The following PHB1 variants were observed in gnomAD, a reference collection of about 807,000 sequenced individuals.
PHB1 encodes the protein prohibitin 1.
the PHB1 span, chr17:49,409,552 T>G: frequency 2.0e-5 from 19 of 939,434 alleles, 1 homozygote; most frequent in South Asian, 3.7e-4. Flanking sequence ...TGTTTTTTTT[T>G]TTTTTTGAGA....
the PHB1 span, among the ~76,000 whole-genome samples, chr17:49,407,954 T>C: frequency 4.6e-5 from 7 of 152,232 alleles, no homozygotes; most frequent in Non-Finnish European, 8.8e-5. Flanking sequence ...GGGCAGCAAA[T>C]TCCCCATGAA....
the PHB1 span, chr17:49,411,630 C>T: frequency 6.5e-7 from 1 of 1,534,880 alleles, no homozygotes; most frequent in Non-Finnish European, 9.0e-7. Flanking sequence ...AAGAACAGAG[C>T]ACCTCTTCCA....
At chr17:49,404,806 GA>G in the PHB1 span, 1 of 601,796 alleles carries the variant, frequency 1.7e-6, no homozygotes, top group Non-Finnish European at 3.0e-6. Context: ...GATGTGAGAA[GA>G]ATGAAAGAGT....
chr17:49,412,963 T>C, the PHB1 span: 2 of 502,884 alleles, frequency 4.0e-6, no homozygotes, highest in South Asian at 5.0e-5. Context: ...TGGGAAGCTC[T>C]TTTTGAATAC....
the PHB1 span, chr17:49,404,792 G>C: frequency 6.8e-6 from 4 of 591,586 alleles, no homozygotes; most frequent in South Asian, 8.0e-5. Context: ...TAAAAAAGTA[G>C]ATGGATGTGA....
the PHB1 span, among the ~76,000 whole-genome samples, chr17:49,413,539 T>C: frequency 8.6e-5 from 13 of 150,384 alleles, no homozygotes; most frequent in Non-Finnish European, 1.9e-4. Flanking sequence ...GACAGGGTCT[T>C]GCTCTGTCAC....
chr17:49,412,443 T>TAA, the PHB1 span, among the ~76,000 whole-genome samples: 1,857 of 152,348 alleles, frequency 0.012, 35 homozygotes, highest in African/African-American at 0.042. Context: ...CAGGCTTTTC[T>TAA]AATCAGCTGC....
At chr17:49,405,706 C>CCATGTGCTATGAT in the PHB1 span, among the ~76,000 whole-genome samples, 15 of 152,226 alleles carry the variant, frequency 9.9e-5, no homozygotes, top group African/African-American at 3.6e-4. Flanking sequence ...GCCCAGGAGG[C>CCATGTGCTATGAT]CAAGGCTGCA....
the PHB1 span, chr17:49,407,064 T>TAATAC: frequency 1.7e-6 from 1 of 578,444 alleles, no homozygotes; most frequent in Non-Finnish European, 3.1e-6. Flanking sequence ...TCCTGTATAT[T>TAATAC]ACTCTGTCAC....
the PHB1 span, chr17:49,413,433 C>A: frequency 3.4e-6 from 2 of 588,550 alleles, no homozygotes; most frequent in Non-Finnish European, 6.1e-6. Flanking sequence ...TGAAGGATAC[C>A]TAATAAATAA....
chr17:49,407,061 T>TTA, the PHB1 span: 1 of 584,410 alleles, frequency 1.7e-6, no homozygotes, highest in Non-Finnish European at 3.1e-6. Context: ...TGCTCCTGTA[T>TTA]ATTACTCTGT....
chr17:49,406,928 C>CTCTTCTTCCAGCG, the PHB1 span: 1 of 1,068,584 alleles, frequency 9.4e-7, no homozygotes, highest in Non-Finnish European at 1.4e-6. Flanking sequence ...GCTCCATGGC[C>CTCTTCTTCCAGCG]GCTGGAAGAA....
the PHB1 span, chr17:49,411,939 T>G: frequency 2.8e-6 from 3 of 1,090,792 alleles, no homozygotes; most frequent in Non-Finnish European, 3.9e-6. Flanking sequence ...GTTCACTTAT[T>G]AAGTCTCCCC....
chr17:49,407,158 G>A, the PHB1 span: 7 of 332,682 alleles, frequency 2.1e-5, no homozygotes, highest in East Asian at 1.2e-4. Flanking sequence ...CTACTCAATC[G>A]ACCACCTCCC....
the PHB1 span, chr17:49,408,915 G>A: frequency 1.3e-5 from 9 of 674,458 alleles, no homozygotes; most frequent in Non-Finnish European, 2.1e-5. Flanking sequence ...GCATGTTTCC[G>A]TGTTTTCAAG....
the PHB1 span, chr17:49,406,660 G>T: frequency 1.2e-6 from 1 of 833,656 alleles, no homozygotes. Flanking sequence ...CGGAAGAAGG[G>T]ATGACAGATG....
the PHB1 span, among the ~76,000 whole-genome samples, chr17:49,408,179 C>A: frequency 6.6e-6 from 1 of 152,228 alleles, no homozygotes; most frequent in Non-Finnish European, 1.5e-5. Context: ...GCAGAGGGAG[C>A]CCCAAGCCCC....
At chr17:49,411,179 A>T in the PHB1 span, among the ~76,000 whole-genome samples, 1 of 149,422 alleles carries the variant, frequency 6.7e-6, no homozygotes, top group African/African-American at 2.5e-5. Context: ...TTCCAAAGAG[A>T]TGGGAAGATT....
chr17:49,412,879 C>T, the PHB1 span: 19 of 287,898 alleles, frequency 6.6e-5, no homozygotes, highest in East Asian at 2.2e-4. Context: ...AGACACTGTG[C>T]GGCAGCATTT....
Sources: gnomAD v4.1 joint callset for allele counts (sites outside exome capture counted in the v4.1 genomes callset) on GRCh38, gnomAD v4.1.1 for gene constraint, MANE v1.5 for transcripts, NCBI Gene and HGNC (gene_info 2026-07-23, HGNC 2026-07-21) for gene names.